NDUFA12: variants seen among roughly 807,000 people sequenced by gnomAD.
NDUFA12 encodes the protein NADH dehydrogenase [ubiquinone] 1 alpha subcomplex subunit 12.
Under a neutral mutation model 20.3 loss-of-function variants are expected in NDUFA12, and 17 were observed. The observed-to-expected ratio is 0.84, with a 90% CI of 0.57 to 1.26. The LOEUF is 1.26. NDUFA12 is among the 50% of genes most tolerant of loss of function. The pLI is 0.00. For missense variants in NDUFA12, 191 were observed against 183.7 expected, an observed-to-expected ratio of 1.04 and a Z score of -0.23; for synonymous variants, 72 against 63.6, an observed-to-expected ratio of 1.13 and a Z score of -0.63.
intron 3 of NDUFA12, among the ~76,000 whole-genome samples, chr12:94,990,283 A>AC (rs201169047): frequency 6.7e-6 from 1 of 149,298 alleles, no homozygotes; most frequent in African/African-American, 2.5e-5. Context: ...AAAAAAAAAA[A>AC]CAAAAAAACC....
rs1296787615 is a variant in NDUFA12 at position 94,979,612 on chromosome 12, CAT to C, written c.258-7994_258-7993del. On this transcript the variant is annotated intron_variant, in intron 3 of 3. Coordinates refer to ENST00000327772, the MANE Select transcript of NDUFA12 (RefSeq NM_018838.5). ...TTGGAAGGCTGAGGCAGGCGGATCACATGAGGCCAGGAGTTTGAGACCAGCCT... is the reference window on the plus strand; with the variant it reads ...TTGGAAGGCTGAGGCAGGCGGATCACGAGGCCAGGAGTTTGAGACCAGCCT... Among the ~76,000 whole-genome samples the C allele has an allele frequency of 5.3e-5, 8 of 152,024 alleles. No homozygotes were observed. The East Asian group carries it at 1.5e-3, about 29-fold the overall frequency.
At position 94,994,225 on chromosome 12, in the gene NDUFA12, T is replaced by C. The variant is rs1286574698; in HGVS notation, c.202A>G (p.Met68Val). 6.2e-7 allele frequency: 1 copy of C among 1,614,248 alleles called. No individual in the cohort carries two copies. Reference protein sequence around the residue: ...RHRWVVYTTEMNGKNTFWDVD... With the variant: ...RHRWVVYTTEVNGKNTFWDVD... ...TCCCAGAATGTGTTTTTGCCATTCA[T>C]TTCAGTAGTATATACAACCCATCGG... is the stretch of plus-strand genomic sequence containing the variant. Residue 68 changes from methionine to valine, a missense_variant, in exon 3 of 4, where the codon ATG becomes GTG. Met to Val is a conservative substitution (Grantham distance 21). Coordinates refer to ENST00000327772, the MANE Select transcript of NDUFA12 (RefSeq NM_018838.5).
chr12:94,984,253 G>A (rs1373588302), intron 3 of NDUFA12, among the ~76,000 whole-genome samples: 1 of 152,100 alleles, frequency 6.6e-6, no homozygotes, highest in Admixed American at 6.5e-5. Context: ...GAGAAGGCCT[G>A]GAAGCACTGA....
At chr12:94,990,284 C>CA (rs1874596828) in intron 3 of NDUFA12, among the ~76,000 whole-genome samples, 1 of 141,942 alleles carries the variant, frequency 7.0e-6, no homozygotes, top group Admixed American at 7.1e-5. Context: ...AAAAAAAAAA[C>CA]AAAAAAACCC....
At chr12:95,003,314 ATGTCT>A (rs1439067305) in intron 1 of NDUFA12, among the ~76,000 whole-genome samples, 11 of 152,172 alleles carry the variant, frequency 7.2e-5, no homozygotes, top group Admixed American at 7.2e-4. Flanking sequence ...CACTGAGTTA[ATGTCT>A]TGTAATCCTC....
At chr12:94,977,059 T>A (rs1420568360) in intron 3 of NDUFA12, among the ~76,000 whole-genome samples, 1 of 152,252 alleles carries the variant, frequency 6.6e-6, no homozygotes, top group African/African-American at 2.4e-5. Flanking sequence ...ACCCAATTAA[T>A]GCAGTTTGTA....
intron 2 of NDUFA12, among the ~76,000 whole-genome samples, chr12:95,001,596 C>G (rs925705134): frequency 2.0e-5 from 3 of 152,076 alleles, no homozygotes; most frequent in Non-Finnish European, 4.4e-5. Context: ...TCACTGCACT[C>G]TAGACTGGGT....
chr12:95,000,145 G>A (rs181228090), intron 2 of NDUFA12, among the ~76,000 whole-genome samples: 65 of 152,248 alleles, frequency 4.3e-4, no homozygotes, highest in Non-Finnish European at 6.9e-4. Flanking sequence ...CTACTCAGCC[G>A]TAAAACAGAA....
intron 3 of NDUFA12, among the ~76,000 whole-genome samples, chr12:94,975,546 G>C (rs1186303152): frequency 6.6e-6 from 1 of 152,058 alleles, no homozygotes; most frequent in South Asian, 2.1e-4. Context: ...TTTGGCAGCA[G>C]GTATCAAAAA....
intron 3 of NDUFA12, among the ~76,000 whole-genome samples, chr12:94,985,864 C>A (rs1200829092): frequency 6.6e-6 from 1 of 152,012 alleles, no homozygotes; most frequent in Non-Finnish European, 1.5e-5. Context: ...GTGGACAGAT[C>A]ACCTGAGGTC....
Position 94,982,435 on chromosome 12 carries a change from G to A in NDUFA12, c.258-10815C>T, listed in dbSNP as rs542039357. Among the ~76,000 whole-genome samples, 27 of 152,076 alleles carry A rather than the reference G, an allele frequency of 1.8e-4. No individual in the cohort carries two copies. In the South Asian group the frequency reaches 3.7e-3, roughly 21 times the overall value. On this transcript the variant is annotated intron_variant, in intron 3 of 3. Transcript: ENST00000327772. ...ACTACAGGCGACCGCCACTAGGCCC[G>A]GCTAATTTTTTTTTGTAGTTTAAGT... is the stretch of plus-strand genomic sequence containing the variant.
intron 2 of NDUFA12, chr12:94,996,878 C>T (rs774558682): frequency 1.7e-5 from 5 of 296,700 alleles, no homozygotes; most frequent in Non-Finnish European, 3.3e-5. Flanking sequence ...TGTAACAATA[C>T]AGTGAGAAGT....
At chr12:95,001,832 G>T (rs1024362181) in intron 2 of NDUFA12, among the ~76,000 whole-genome samples, 1 of 151,890 alleles carries the variant, frequency 6.6e-6, no homozygotes, top group African/African-American at 2.4e-5. Flanking sequence ...AGCCTCTCAG[G>T]TAGCTGGGAT....
chr12:94,980,671 AG>A (rs1469537784), intron 3 of NDUFA12, among the ~76,000 whole-genome samples: 3 of 152,250 alleles, frequency 2.0e-5, no homozygotes, highest in Non-Finnish European at 4.4e-5. Context: ...AATTTTAATA[AG>A]AAAAATCAAT....
At chr12:94,995,371 T>C (rs1874787125) in intron 2 of NDUFA12, among the ~76,000 whole-genome samples, 1 of 152,136 alleles carries the variant, frequency 6.6e-6, no homozygotes, top group Non-Finnish European at 1.5e-5. Context: ...GGAGGAGACC[T>C]TGGGAAAGGT....
At position 94,972,103 on chromosome 12, in the gene NDUFA12, A is replaced by T. The variant is rs1873909000; in HGVS notation, c.258-483T>A. On this transcript the variant is annotated intron_variant, in intron 3 of 3. Coordinates refer to ENST00000327772, the MANE Select transcript of NDUFA12 (RefSeq NM_018838.5). ...ACCATGCCTGGCTGACTTTCAGAAG[A>T]TTTTTGTAGAGATAGGATCTCACTA... Among the ~76,000 whole-genome samples the T allele has an allele frequency of 2.6e-5, 4 of 152,038 alleles. No individual in the cohort carries two copies. In the South Asian group the frequency reaches 8.3e-4, roughly 32 times the overall value.
chr12:94,971,961 C>T (rs756676673), intron 3 of NDUFA12, among the ~76,000 whole-genome samples: 1 of 152,000 alleles, frequency 6.6e-6, no homozygotes, highest in Non-Finnish European at 1.5e-5. Flanking sequence ...CTCACTCTGT[C>T]ACCCAGGCTG....
intron 2 of NDUFA12, among the ~76,000 whole-genome samples, chr12:95,001,010 T>C (rs1267806928): frequency 6.6e-6 from 1 of 152,208 alleles, no homozygotes; most frequent in Admixed American, 6.6e-5. Context: ...CACACTAATG[T>C]TGCTTTTAAA....
intron 3 of NDUFA12, among the ~76,000 whole-genome samples, chr12:94,979,009 T>A (rs981224400): frequency 2.0e-5 from 3 of 152,210 alleles, no homozygotes; most frequent in South Asian, 2.1e-4. Flanking sequence ...TGTAGGTATA[T>A]GTTATTTATA....
Sources: allele counts gnomAD v4.1 joint callset (sites outside exome capture counted in the v4.1 genomes callset), GRCh38; gene constraint gnomAD v4.1.1; transcripts MANE v1.5; gene names NCBI Gene and HGNC (gene_info 2026-07-23, HGNC 2026-07-21).